Variants in SHISA9 observed in about 807,000 individuals in gnomAD.
The protein encoded by SHISA9 is protein shisa-9.
Under a neutral mutation model 38.0 loss-of-function variants are expected in SHISA9, and 13 were observed. The observed-to-expected ratio is 0.34, with a 90% CI of 0.22 to 0.54. The LOEUF (loss-of-function observed/expected upper bound fraction) is 0.54. Ranked by LOEUF, SHISA9 falls within the 20% of genes least tolerant of loss-of-function variation. The pLI is 0.91. For synonymous variants in SHISA9, 275 were observed against 242.0 expected (o/e 1.14, Z -1.27); for missense variants, 538 against 575.8 (o/e 0.93, Z 0.67).
chr16:13,281,282 A>G, the SHISA9 span, among the ~76,000 whole-genome samples: 38 of 151,908 alleles, frequency 2.5e-4, no homozygotes, highest in East Asian at 4.6e-3. Context: ...TGATGTTAAC[A>G]TGGCTTCCTA....
chr16:13,370,847 A>C, the SHISA9 span, among the ~76,000 whole-genome samples: 1 of 152,176 alleles, frequency 6.6e-6, no homozygotes, highest in African/African-American at 2.4e-5. Context: ...GGACTCAATA[A>C]AAATCAAGTA....
the SHISA9 span, among the ~76,000 whole-genome samples, chr16:13,363,799 G>A: frequency 3.9e-5 from 6 of 152,296 alleles, no homozygotes; most frequent in Middle Eastern, 6.8e-3. Flanking sequence ...CATGATAGAC[G>A]TGCACATTTT....
chr16:13,015,853 CCTTTCTTTCTTTCTTT>C (rs201249295), intron 2 of SHISA9, among the ~76,000 whole-genome samples: 1,030 of 98,602 alleles, frequency 0.01, 13 homozygotes, highest in African/African-American at 0.03. Flanking sequence ...TCTTTCTTTC[CCTTTCTTTCTTTCTTT>C]CTTTCTTTCT....
chr16:13,163,460 T>G (rs1003156837), intron 2 of SHISA9, among the ~76,000 whole-genome samples: 1 of 152,182 alleles, frequency 6.6e-6, no homozygotes, highest in African/African-American at 2.4e-5. Flanking sequence ...GCATTGAGTT[T>G]AATAAATCTG....
intron 2 of SHISA9, among the ~76,000 whole-genome samples, chr16:12,982,593 G>T (rs1049509384): frequency 5.9e-5 from 9 of 152,132 alleles, no homozygotes; most frequent in Non-Finnish European, 8.8e-5. Flanking sequence ...TGTATGATAG[G>T]TCAGGCCAAC....
In SHISA9 at chr16:12,979,586, T is replaced by G. The variant is rs147820790; in HGVS notation, c.691+62771T>G. On this transcript the variant is annotated intron_variant, in intron 2 of 4. Coordinates refer to ENST00000558583, the MANE Select transcript of SHISA9 (RefSeq NM_001145204.3). Reference sequence around the variant, plus strand: ...TTTGATATCTGTATTGCTTCTCGTATAGTCTTGAACGTGTATATTTTTATG... The same window carrying G: ...TTTGATATCTGTATTGCTTCTCGTAGAGTCTTGAACGTGTATATTTTTATG... Among the ~76,000 whole-genome samples, 931 of 152,324 alleles carry G rather than the reference T, an allele frequency of 6.1e-3. 11 individuals carry two copies. The highest frequency in any genetic ancestry group is 0.021 in the African/African-American group (883 of 41,576).
chr16:12,947,266 AG>A (rs2071700639), intron 2 of SHISA9, among the ~76,000 whole-genome samples: 1 of 152,238 alleles, frequency 6.6e-6, no homozygotes, highest in Non-Finnish European at 1.5e-5. Flanking sequence ...AAGCGTGATA[AG>A]GTACAGATCC....
the SHISA9 span, among the ~76,000 whole-genome samples, chr16:13,515,321 A>G: frequency 6.6e-6 from 1 of 152,216 alleles, no homozygotes; most frequent in Admixed American, 6.5e-5. Context: ...CAGAAGAAAC[A>G]TGGTCTCAGA....
the SHISA9 span, among the ~76,000 whole-genome samples, chr16:13,522,503 C>G: frequency 3.3e-3 from 509 of 152,212 alleles, 4 homozygotes; most frequent in African/African-American, 0.011. Flanking sequence ...GGAGTCCCCC[C>G]CCGATTTCCT....
chr16:13,156,733 CAA>C (rs11289895), intron 2 of SHISA9, among the ~76,000 whole-genome samples: 45,026 of 111,712 alleles, frequency 0.4, 7,400 homozygotes, highest in Admixed American at 0.44. Flanking sequence ...GACTCCGTCT[CAA>C]AAAAAAAAAA....
intron 4 of SHISA9, among the ~76,000 whole-genome samples, chr16:13,232,656 A>C (rs568083800): frequency 6.6e-6 from 1 of 152,324 alleles, no homozygotes; most frequent in Admixed American, 6.5e-5. Flanking sequence ...TGAGAAATAC[A>C]TAAGTTTGGT....
intron 2 of SHISA9, among the ~76,000 whole-genome samples, chr16:12,970,333 A>G (rs1391878169): frequency 5.0e-5 from 4 of 79,442 alleles, no homozygotes; most frequent in Non-Finnish European, 1.0e-4. Flanking sequence ...ATACATATAT[A>G]TATATATATA....
chr16:13,053,779 C>A (rs138553910), intron 2 of SHISA9, among the ~76,000 whole-genome samples: 1 of 152,184 alleles, frequency 6.6e-6, no homozygotes, highest in Admixed American at 6.5e-5. Flanking sequence ...TGGTCCAGGT[C>A]TCAGGTCCAG....
At chr16:13,410,313 G>A in the SHISA9 span, among the ~76,000 whole-genome samples, 5 of 152,160 alleles carry the variant, frequency 3.3e-5, no homozygotes, top group African/African-American at 1.2e-4. Context: ...CCAATCAATA[G>A]TTTTATTATT....
chr16:12,976,522 G>A (rs763785899), intron 2 of SHISA9, among the ~76,000 whole-genome samples: 13 of 152,026 alleles, frequency 8.6e-5, no homozygotes, highest in Non-Finnish European at 1.8e-4. Context: ...TTCCTATTCC[G>A]CTCCTGTGTC....
rs1247715352 is a variant in SHISA9, at chr16:12,902,215, T to G, written c.151T>G (p.Ser51Ala). 1 of 1,535,344 alleles carries G rather than the reference T, an allele frequency of 6.5e-7. No individual in the cohort carries two copies. The highest frequency in any genetic ancestry group is 2.5e-5 in the East Asian group (1 of 40,728). The change falls in exon 1 of 5, where the codon TCC (serine) becomes GCC (alanine). Residue 51 changes from serine to alanine, a missense_variant. This residue lies in a region of SHISA9 where 107 missense variants were observed against 103.0 expected (regional missense o/e 1.04). Coordinates refer to ENST00000558583, the MANE Select transcript of SHISA9 (RefSeq NM_001145204.3). ...GGGGGGCAACCGCTCCGGGGCCGCC[T>G]CCGGAGAGGCCAGCGAGGGCGCTGA... ...LAGGNRSGAA[S>A]GEASEGAEAS...
chr16:13,077,195 T>A (rs750780458), intron 2 of SHISA9, among the ~76,000 whole-genome samples: 9 of 152,176 alleles, frequency 5.9e-5, no homozygotes, highest in Non-Finnish European at 1.2e-4. Flanking sequence ...CAGTTGGCTT[T>A]ATCTCTGTCT....
chr16:13,483,783 A>G, the SHISA9 span, among the ~76,000 whole-genome samples: 1 of 152,168 alleles, frequency 6.6e-6, no homozygotes, highest in Non-Finnish European at 1.5e-5. Context: ...ATAACTGAAC[A>G]TGTAGAGGTT....
At chr16:13,080,078 A>G (rs2073629946) in intron 2 of SHISA9, among the ~76,000 whole-genome samples, 1 of 152,110 alleles carries the variant, frequency 6.6e-6, no homozygotes, top group South Asian at 2.1e-4. Context: ...CATCTTGTAA[A>G]CACACCACCA....
Sources: allele counts gnomAD v4.1 joint callset (sites outside exome capture counted in the v4.1 genomes callset), GRCh38; gene constraint gnomAD v4.1.1; regional missense constraint gnomAD v4.1.1; transcripts MANE v1.5; gene names NCBI Gene and HGNC (gene_info 2026-07-23, HGNC 2026-07-21).